The following ATP2B2 variants were observed in gnomAD, a reference collection of about 807,000 sequenced individuals.
ATP2B2 encodes plasma membrane calcium-transporting ATPase 2.
Under a neutral mutation model 120.0 loss-of-function variants are expected in ATP2B2, and 15 were observed. That is an observed-to-expected ratio of 0.12 (90% CI 0.08 to 0.19). The LOEUF (loss-of-function observed/expected upper bound fraction) is 0.19, where lower values mean the gene tolerates loss of function less well. ATP2B2 is among the 10% of genes least tolerant of loss of function. The probability of loss-of-function intolerance (pLI) is 1.00; values close to 1 mark genes in which losing one functional copy is unlikely to be tolerated. For missense variants in ATP2B2, 1,045 were observed against 1,719.8 expected (o/e 0.61, Z 6.94); for synonymous variants, 694 against 700.3 (o/e 0.99, Z 0.14).
chr3:10,402,005 G>A lies in ATP2B2; in HGVS notation c.655+86C>T. ...CCTTCAGGAATGCATCCCCTTCCTT[G>A]AGCCAATCTCTTTGCATCAGCCTGG... On this transcript the variant is annotated intron_variant, in intron 4 of 22. Transcript: ENST00000360273. The surrounding 1 kb of genome is among the most constrained non-coding windows in gnomAD (Gnocchi z 4.9). 2 of 1,596,138 alleles carry A rather than the reference G, an allele frequency of 1.3e-6. No homozygotes were observed. Among genetic ancestry groups the A allele is most frequent in the Non-Finnish European group, 1.7e-6 (2 of 1,175,476 alleles).
intron 1 of ATP2B2, among the ~76,000 whole-genome samples, chr3:10,671,548 A>C (rs2071096793): frequency 6.6e-6 from 1 of 152,112 alleles, no homozygotes; most frequent in South Asian, 2.1e-4. Flanking sequence ...GAGGAGTCTG[A>C]GAGTCTTTAT....
At chr3:10,498,132 T>C (rs1443285389) in intron 1 of ATP2B2, among the ~76,000 whole-genome samples, 1 of 152,230 alleles carries the variant, frequency 6.6e-6, no homozygotes, top group Non-Finnish European at 1.5e-5. Flanking sequence ...AATGTATATC[T>C]TGGAATCCGC....
intron 1 of ATP2B2, among the ~76,000 whole-genome samples, chr3:10,465,869 C>G (rs1277411301): frequency 6.6e-6 from 1 of 152,188 alleles, no homozygotes; most frequent in Non-Finnish European, 1.5e-5. Flanking sequence ...CTGATGGCAC[C>G]AGGCCTGCAC....
intron 2 of ATP2B2, among the ~76,000 whole-genome samples, chr3:10,424,517 G>C (rs886075047): frequency 6.6e-6 from 1 of 152,240 alleles, no homozygotes; most frequent in African/African-American, 2.4e-5. Flanking sequence ...ACTGGGTGTT[G>C]CTAAATATTT....
rs552231889 is a variant in ATP2B2 at position 10,413,593 on chromosome 3, T to C, written c.200-2778A>G. On this transcript the variant is annotated intron_variant, in intron 2 of 22. Transcript: ENST00000360273. ...GTGCGTGGGAACACTTCCTCCACTG[T>C]TCTGTGCTGGGCTGGCCATCTGGGA... Among the ~76,000 whole-genome samples, 101 of 152,320 alleles carry C rather than the reference T, an allele frequency of 6.6e-4. 4 individuals are homozygous for C. The South Asian group carries it at 0.02, about 30-fold the overall frequency.
chr3:10,693,022 A>G (rs1575629922), intron 1 of ATP2B2, among the ~76,000 whole-genome samples: 1 of 152,196 alleles, frequency 6.6e-6, no homozygotes, highest in Non-Finnish European at 1.5e-5. Flanking sequence ...CAGATAGAAG[A>G]TGTATGAATG....
chr3:10,629,920 T>C (rs1345769940), intron 1 of ATP2B2, among the ~76,000 whole-genome samples: 5 of 152,232 alleles, frequency 3.3e-5, no homozygotes, highest in Non-Finnish European at 5.9e-5. Flanking sequence ...AGCCTCTTAG[T>C]GTCTGATTGT....
intron 1 of ATP2B2, among the ~76,000 whole-genome samples, chr3:10,677,845 T>C (rs11920812): frequency 0.18 from 26,658 of 152,206 alleles, 2,948 homozygotes; most frequent in East Asian, 0.46. Context: ...CTAAGTTGTA[T>C]GGCATGAGTA....
intron 1 of ATP2B2, among the ~76,000 whole-genome samples, chr3:10,489,796 T>C (rs2065865664): frequency 6.6e-6 from 1 of 152,190 alleles, no homozygotes; most frequent in South Asian, 2.1e-4. Flanking sequence ...CTCCAACCCA[T>C]TATCCTCACT....
At chr3:10,656,458 T>C (rs2070630476) in intron 1 of ATP2B2, among the ~76,000 whole-genome samples, 1 of 152,176 alleles carries the variant, frequency 6.6e-6, no homozygotes, top group South Asian at 2.1e-4. Context: ...GGGAGCTCCT[T>C]CTTACTCAGA....
intron 3 of ATP2B2, among the ~76,000 whole-genome samples, chr3:10,523,609 A>G (rs1347714372): frequency 6.6e-6 from 1 of 152,222 alleles, no homozygotes; most frequent in African/African-American, 2.4e-5. Context: ...CACCTCTGAC[A>G]CATGGTGCAA....
At chr3:10,561,321 C>T (rs932090627) in intron 2 of ATP2B2, among the ~76,000 whole-genome samples, 4 of 152,070 alleles carry the variant, frequency 2.6e-5, no homozygotes, top group African/African-American at 9.7e-5. Flanking sequence ...CAGAGTGGGA[C>T]GAGGTGGGGC....
chr3:10,674,842 G>A (rs1035112184), intron 1 of ATP2B2, among the ~76,000 whole-genome samples: 1 of 152,140 alleles, frequency 6.6e-6, no homozygotes, highest in African/African-American at 2.4e-5. Context: ...AAGTCAACAG[G>A]GACGCACTGT....
chr3:10,486,340 T>TGTGC (rs1559398948), intron 1 of ATP2B2, among the ~76,000 whole-genome samples: 1 of 151,134 alleles, frequency 6.6e-6, no homozygotes, highest in Admixed American at 6.6e-5. Context: ...TGTGTGTGTG[T>TGTGC]GTGTGTGTGT....
chr3:10,378,508 G>T, intron 9 of ATP2B2, 98 bp from the exon 10 acceptor site: 1 of 1,517,200 alleles, frequency 6.6e-7, no homozygotes, highest in Non-Finnish European at 9.0e-7. Context: ...ACCCCTGCCT[G>T]CCCAGGGTAG....
chr3:10,615,845 T>C (rs895821899), intron 2 of ATP2B2, among the ~76,000 whole-genome samples: 2 of 152,214 alleles, frequency 1.3e-5, no homozygotes, highest in African/African-American at 2.4e-5. Context: ...AGTTTCTTAG[T>C]AAAATTAATG....
rs146846448 is a variant in ATP2B2, at chr3:10,328,964, G to A, written c.3582C>T (p.Ala1194=). Residue 1194 remains alanine (A), a synonymous_variant, in exon 23 of 23, where the codon GCC becomes GCT. Coordinates refer to ENST00000360273, the MANE Select transcript of ATP2B2 (RefSeq NM_001001331.4). ...GCGGGCTCGAGTTCTGCTTGAGCGC[G>A]GCATCTTCTTCCAGGTCGGTGTCAT... The part of the protein sequence containing the change: ...LIDDTDLEED[A]ALKQNSSPPS... The A allele has an allele frequency of 1.4e-5, 22 of 1,613,834 alleles. No individual in the cohort carries two copies. Among genetic ancestry groups the A allele is most frequent in the South Asian group, 8.8e-5 (8 of 91,060 alleles).
intron 12 of ATP2B2, among the ~76,000 whole-genome samples, chr3:10,363,162 C>T (rs541189276): frequency 2.4e-4 from 37 of 152,294 alleles, no homozygotes; most frequent in African/African-American, 7.7e-4. Context: ...CTGCCTCCTC[C>T]GTAATTCAGT....
chr3:10,493,314 T>C (rs2066006518), intron 1 of ATP2B2, among the ~76,000 whole-genome samples: 1 of 152,044 alleles, frequency 6.6e-6, no homozygotes, highest in African/African-American at 2.4e-5. Context: ...CCACTCAGCT[T>C]GATGAGAAGG....
Sources: gnomAD v4.1 joint callset for allele counts (sites outside exome capture counted in the v4.1 genomes callset) on GRCh38, gnomAD v4.1.1 for gene constraint, Gnocchi (gnomAD v3.1) non-coding constraint, MANE v1.5 for transcripts, NCBI Gene and HGNC (gene_info 2026-07-23, HGNC 2026-07-21) for gene names.